Variants in DARS1 observed in about 807,000 individuals in gnomAD.
DARS1 encodes the protein aspartate--tRNA ligase, cytoplasmic.
Under a neutral mutation model 68.8 loss-of-function variants are expected in DARS1, and 51 were observed. The ratio of observed to expected loss-of-function variants is 0.74; its 90% confidence interval spans 0.59 to 0.94. The LOEUF is 0.94. Ranked by LOEUF, DARS1 falls within the 40% of genes least tolerant of loss-of-function variation. The pLI, the probability that DARS1 is intolerant of heterozygous loss-of-function variation, is 0.00. For missense variants in DARS1, 607 were observed against 597.3 expected, an observed-to-expected ratio of 1.02 and a Z score of -0.17; for synonymous variants, 203 against 190.4, an observed-to-expected ratio of 1.07 and a Z score of -0.55.
At chr2:135,928,940 A>G (rs1475276546) in intron 7 of DARS1, among the ~76,000 whole-genome samples, 1 of 152,218 alleles carries the variant, frequency 6.6e-6, no homozygotes, top group African/African-American at 2.4e-5. Context: ...TATCTGTGAG[A>G]AAGAATCCAA....
At chr2:135,985,172 G>A (rs367821532) in intron 1 of DARS1, 2 of 610,048 alleles carry the variant, frequency 3.3e-6, no homozygotes, top group East Asian at 2.9e-5. Context: ...CCACCCCGGG[G>A]ACACGCTTCT....
At chr2:135,957,562 A>G (rs1459306257) in intron 4 of DARS1, among the ~76,000 whole-genome samples, 1 of 152,110 alleles carries the variant, frequency 6.6e-6, no homozygotes, top group Non-Finnish European at 1.5e-5. Context: ...GGGTTTCGCC[A>G]TGTTGGCCAG....
At chr2:135,929,355 G>C (rs1263793727) in intron 7 of DARS1, among the ~76,000 whole-genome samples, 2 of 152,212 alleles carry the variant, frequency 1.3e-5, no homozygotes, top group East Asian at 3.9e-4. Flanking sequence ...TCTTAAACTT[G>C]TCTTTTGCCT....
In DARS1 at chr2:135,981,674, C is replaced by CTTTTTTTTTTTTTT. The variant is rs1312008531; in HGVS notation, c.124+1709_124+1722dup. 6.0e-3 allele frequency among the ~76,000 whole-genome samples: 849 copies of CTTTTTTTTTTTTTT among 140,362 alleles called. 22 individuals carry two copies. The highest frequency in any genetic ancestry group is 0.021 in the African/African-American group (800 of 37,630). 92.1% of individuals were successfully genotyped at this position (140,362 alleles called of 152,430 possible). On this transcript the variant is annotated intron_variant, in intron 2 of 15. Coordinates refer to ENST00000264161, the MANE Select transcript of DARS1 (RefSeq NM_001349.4). ...TGGAAATGATTTTCAGAAATTTTGG[C>CTTTTTTTTTTTTTT]TTTTTTTTTTTTTTGACAGGGTCTC...
intron 3 of DARS1, among the ~76,000 whole-genome samples, chr2:135,971,633 A>C (rs1308649808): frequency 6.6e-6 from 1 of 152,198 alleles, no homozygotes; most frequent in African/African-American, 2.4e-5. Context: ...TCCAAATTGG[A>C]AAGGAAGAAG....
At chr2:135,929,927 T>C (rs1176452351) in intron 7 of DARS1, among the ~76,000 whole-genome samples, 1 of 152,210 alleles carries the variant, frequency 6.6e-6, no homozygotes, top group East Asian at 1.9e-4. Flanking sequence ...GAATATTATG[T>C]ATATGGTATG....
intron 3 of DARS1, among the ~76,000 whole-genome samples, chr2:135,969,926 G>C (rs576273982): frequency 6.6e-6 from 1 of 152,082 alleles, no homozygotes; most frequent in Admixed American, 6.6e-5. Flanking sequence ...ATATATTGGT[G>C]AGCCATTAAC....
In DARS1 at chr2:135,985,354, C is replaced by A. The variant is rs563456311; in HGVS notation, c.66+49G>T. On this transcript the variant is annotated intron_variant, in intron 1 of 15. Coordinates refer to ENST00000264161, the MANE Select transcript of DARS1 (RefSeq NM_001349.4). ...CCCCCTCCTCCCTCCCTCGGCGCAG[C>A]CCGGCCCAGGGGTCTGTCCTCCCAG... is the stretch of plus-strand genomic sequence containing the variant. 15 of 1,597,858 alleles carry A rather than the reference C, an allele frequency of 9.4e-6. No homozygotes were observed. The South Asian group carries it at 1.3e-4, about 14-fold the overall frequency.
chr2:135,985,105 G>C (rs548776173), intron 1 of DARS1: 38 of 486,470 alleles, frequency 7.8e-5, no homozygotes, highest in Non-Finnish European at 1.3e-4. Flanking sequence ...AACCCAGAGA[G>C]ACTCAAGTGT....
Position 135,928,783 on chromosome 2 carries a change from T to C in DARS1, c.564+4000A>G, listed in dbSNP as rs182033214. On this transcript the variant is annotated intron_variant, in intron 7 of 15. Transcript: ENST00000264161. ...CCTCCCGAGTAGCTGGGATTACAGG[T>C]GCCCGCCACCACGCCTGGCTAATTT... 8.9e-3 allele frequency among the ~76,000 whole-genome samples: 1,296 copies of C among 145,816 alleles called. 16 individuals carry two copies. The highest frequency in any genetic ancestry group is 0.029 in the African/African-American group (1,143 of 39,168).
intron 4 of DARS1, among the ~76,000 whole-genome samples, chr2:135,946,186 T>A (rs187975091): frequency 8.5e-5 from 13 of 152,272 alleles, no homozygotes; most frequent in African/African-American, 3.1e-4. Context: ...AGAATAAAAT[T>A]CTACTGACTG....
At chr2:135,907,955 T>C (rs1391745984) in intron 15 of DARS1, among the ~76,000 whole-genome samples, 1 of 152,208 alleles carries the variant, frequency 6.6e-6, no homozygotes, top group Non-Finnish European at 1.5e-5. Flanking sequence ...GATTATGGTC[T>C]CTCCTTTCAA....
intron 10 of DARS1, among the ~76,000 whole-genome samples, chr2:135,918,638 G>A (rs1372421358): frequency 6.6e-6 from 1 of 152,108 alleles, no homozygotes; most frequent in African/African-American, 2.4e-5. Context: ...TTAATCCCAA[G>A]GACTCAAATT....
chr2:135,913,051 C>CT (rs34764820), intron 12 of DARS1, among the ~76,000 whole-genome samples: 3,287 of 143,556 alleles, frequency 0.023, 77 homozygotes, highest in African/African-American at 0.064. Context: ...CATTTTTTTC[C>CT]TTTTTTTTTT....
intron 7 of DARS1, among the ~76,000 whole-genome samples, chr2:135,925,287 T>A (rs1681190063): frequency 6.6e-6 from 1 of 152,214 alleles, no homozygotes; most frequent in African/African-American, 2.4e-5. Flanking sequence ...TGGCTTATTA[T>A]ATTTTTAAAA....
chr2:135,985,362 A>AG, intron 1 of DARS1, 41 bp downstream of exon 1: 2 of 1,607,212 alleles, frequency 1.2e-6, no homozygotes, highest in Non-Finnish European at 1.7e-6. Context: ...AGCCCGGCCC[A>AG]GGGGTCTGTC....
intron 9 of DARS1, 151 bp downstream of exon 9, chr2:135,922,633 C>T: frequency 9.9e-6 from 12 of 1,209,812 alleles, no homozygotes; most frequent in Non-Finnish European, 1.1e-5. Flanking sequence ...AATATATTAT[C>T]TCTAACTCAA....
intron 6 of DARS1, 103 bp from the exon 7 acceptor site, chr2:135,932,945 T>C (rs1681385188): frequency 3.1e-6 from 2 of 647,144 alleles, no homozygotes; most frequent in Non-Finnish European, 5.3e-6. Context: ...TTGAGTAGGA[T>C]GTGTGTACGT....
chr2:135,920,539 A>G lies in DARS1; in HGVS notation c.873T>C (p.Ile291=), dbSNP rs371367123. 3.7e-6 allele frequency: 6 copies of G among 1,613,836 alleles called. No individual in the cohort carries two copies. In the African/African-American group the frequency reaches 6.7e-5, roughly 18 times the overall value. The change falls in exon 10 of 16, where the codon ATT becomes ATC. Residue 291 remains isoleucine (I), a synonymous_variant. Transcript: ENST00000264161. ...GGTAATGGTAATTAAAAGCCATTTC[A>G]ATGTCCAAACCAACAAACTCAGTTA... ...RHLTEFVGLD[I]EMAFNYHYHE...
Sources: allele counts gnomAD v4.1 joint callset (sites outside exome capture counted in the v4.1 genomes callset), GRCh38; gene constraint gnomAD v4.1.1; transcripts MANE v1.5; gene names NCBI Gene and HGNC (gene_info 2026-07-23, HGNC 2026-07-21).